Variants in KLHL1 observed in about 807,000 individuals in gnomAD.
KLHL1 encodes the protein kelch-like protein 1.
KLHL1 carries 47 observed loss-of-function variants against 77.7 expected under a neutral mutation model. The ratio of observed to expected loss-of-function variants is 0.60; its 90% CI spans 0.48 to 0.77. KLHL1 has a LOEUF of 0.77. KLHL1 is among the 30% of genes least tolerant of loss of function. The pLI is 0.00. For missense variants in KLHL1, 925 were observed against 910.8 expected (o/e 1.02, Z -0.20); for synonymous variants, 360 against 325.2 (o/e 1.11, Z -1.15).
intron 1 of KLHL1, among the ~76,000 whole-genome samples, chr13:70,055,855 A>T (rs928577982): frequency 1.3e-5 from 2 of 152,070 alleles, no homozygotes; most frequent in African/African-American, 4.8e-5. Flanking sequence ...ATTAAATCAT[A>T]CTACCAGATA....
Position 70,022,273 on chromosome 13 carries a change from G to A in KLHL1, c.498-46471C>T, listed in dbSNP as rs572974380. Among the ~76,000 whole-genome samples the A allele has an allele frequency of 7.3e-4, 39 of 53,494 alleles. 1 individual carries two copies. The highest frequency in any genetic ancestry group is 2.3e-3 in the Admixed American group (15 of 6,574). 35.1% of individuals were successfully genotyped at this position (53,494 alleles called of 152,430 possible). A position where few individuals can be genotyped will look rare whatever the true frequency, so the allele number is the denominator to read the frequency against. On this transcript the variant is annotated intron_variant, in intron 1 of 10. Transcript: ENST00000377844. The stretch of plus-strand genomic sequence containing the variant: ...CTTTTTTCAAAGGTAAGTTGATTAC[G>A]TGTGTGTTTGTGTGTGTGTGTGTGT...
intron 9 of KLHL1, among the ~76,000 whole-genome samples, 160 bp downstream of exon 9, chr13:69,719,209 T>TGA (rs1555300511): frequency 0.037 from 1,350 of 36,888 alleles, 6 homozygotes; most frequent in Middle Eastern, 0.27. Flanking sequence ...TGTGTGTGTG[T>TGA]GAGAGAGAGA....
intron 7 of KLHL1, among the ~76,000 whole-genome samples, chr13:69,772,127 T>G (rs1185943678): frequency 6.6e-6 from 1 of 152,086 alleles, no homozygotes; most frequent in Non-Finnish European, 1.5e-5. Flanking sequence ...AATTTTTGTA[T>G]TTTTAATAGA....
rs71116988 is a variant in KLHL1 at position 70,084,622 on chromosome 13, C to CTTTTTTTTTT, written c.497+22571_497+22580dup. ...TACAGGCACCTGCCACCACGCCAGGCTTTTTTTTTTTTTTTTTTTTTTTTT... is the reference window on the plus strand; with the variant it reads ...TACAGGCACCTGCCACCACGCCAGGCTTTTTTTTTTTTTTTTTTTTTTTTTTTTTTTTTTT... On this transcript the variant is annotated intron_variant, in intron 1 of 10. Coordinates refer to ENST00000377844, the MANE Select transcript of KLHL1 (RefSeq NM_020866.3). Among the ~76,000 whole-genome samples, 55 of 14,946 alleles carry CTTTTTTTTTT rather than the reference C, an allele frequency of 3.7e-3. 11 individuals are homozygous for CTTTTTTTTTT. The highest frequency in any genetic ancestry group is 0.013 in the African/African-American group (38 of 2,898). 9.8% of individuals were successfully genotyped at this position (14,946 alleles called of 152,430 possible).
chr13:69,891,096 T>C (rs551484909), intron 4 of KLHL1, among the ~76,000 whole-genome samples: 22 of 152,198 alleles, frequency 1.4e-4, no homozygotes, highest in South Asian at 1.0e-3. Flanking sequence ...TCCTTAATAA[T>C]GGCAATATGC....
At chr13:69,764,152 G>T (rs1178983290) in intron 7 of KLHL1, among the ~76,000 whole-genome samples, 1 of 152,088 alleles carries the variant, frequency 6.6e-6, no homozygotes. Flanking sequence ...TTTTAAGTTT[G>T]CCCTAAAGAT....
chr13:69,837,421 T>C (rs1210521941), intron 6 of KLHL1, among the ~76,000 whole-genome samples: 1 of 151,356 alleles, frequency 6.6e-6, no homozygotes, highest in East Asian at 1.9e-4. Flanking sequence ...ACACACACAA[T>C]GTAAGTAATG....
At chr13:69,766,033 C>A (rs1875285747) in intron 7 of KLHL1, among the ~76,000 whole-genome samples, 1 of 152,176 alleles carries the variant, frequency 6.6e-6, no homozygotes, top group African/African-American at 2.4e-5. Context: ...ATACCGAAAT[C>A]TTCAGCAATC....
chr13:69,920,074 T>C (rs528331198), intron 4 of KLHL1, among the ~76,000 whole-genome samples: 1 of 151,610 alleles, frequency 6.6e-6, no homozygotes, highest in South Asian at 2.1e-4. Flanking sequence ...AGCTGTTTTT[T>C]CTTTGGAAAA....
chr13:69,957,697 C>A (rs17085798), intron 3 of KLHL1, among the ~76,000 whole-genome samples: 20,979 of 151,580 alleles, frequency 0.14, 2,378 homozygotes, highest in African/African-American at 0.29. Context: ...TAAGTATTTT[C>A]TTTACAACTT....
chr13:69,724,048 G>A (rs1414619917), intron 8 of KLHL1, among the ~76,000 whole-genome samples: 1 of 151,898 alleles, frequency 6.6e-6, no homozygotes, highest in East Asian at 1.9e-4. Context: ...ATATTGGCCA[G>A]GATGGTCCGA....
intron 1 of KLHL1, among the ~76,000 whole-genome samples, chr13:70,078,116 G>A (rs1407032875): frequency 1.3e-5 from 2 of 151,168 alleles, no homozygotes; most frequent in Non-Finnish European, 3.0e-5. Flanking sequence ...GAGAAAGGAA[G>A]GATTTACAGA....
intron 1 of KLHL1, among the ~76,000 whole-genome samples, chr13:69,995,241 A>G (rs1428579819): frequency 6.6e-6 from 1 of 152,052 alleles, no homozygotes; most frequent in Non-Finnish European, 1.5e-5. Flanking sequence ...ACCCAGAAAA[A>G]GTTTGGTGGT....
chr13:70,002,571 A>T (rs1171345352), intron 1 of KLHL1, among the ~76,000 whole-genome samples: 1 of 151,568 alleles, frequency 6.6e-6, no homozygotes, highest in Non-Finnish European at 1.5e-5. Flanking sequence ...AAAGTTCCAA[A>T]ATTTAACTTA....
intron 7 of KLHL1, among the ~76,000 whole-genome samples, chr13:69,791,986 G>A (rs562717522): frequency 1.3e-4 from 20 of 152,246 alleles, no homozygotes; most frequent in Non-Finnish European, 1.9e-4. Flanking sequence ...ATTGCAGAGC[G>A]TCAGGAGAAA....
intron 4 of KLHL1, among the ~76,000 whole-genome samples, chr13:69,908,531 TGAAGA>T (rs1305878351): frequency 1.3e-5 from 2 of 148,692 alleles, no homozygotes; most frequent in African/African-American, 5.0e-5. Flanking sequence ...GCAAAAAATT[TGAAGA>T]GAAAACGTAA....
chr13:69,948,558 C>T (rs1347772846), intron 3 of KLHL1, among the ~76,000 whole-genome samples: 4 of 151,956 alleles, frequency 2.6e-5, no homozygotes, highest in Non-Finnish European at 5.9e-5. Context: ...TCTACAATCA[C>T]ATCTTAAGTA....
chr13:69,712,770 TTTGG>T (rs1431015193), intron 9 of KLHL1, among the ~76,000 whole-genome samples: 2,101 of 136,888 alleles, frequency 0.015, 48 homozygotes, highest in African/African-American at 0.052. Flanking sequence ...GTTTTTTTTT[TTTGG>T]GGGGGGGGTT....
intron 1 of KLHL1, among the ~76,000 whole-genome samples, chr13:70,077,618 C>A (rs1042532833): frequency 6.6e-6 from 1 of 151,854 alleles, no homozygotes; most frequent in Admixed American, 6.6e-5. Flanking sequence ...AATATGGTTT[C>A]ATCAATTGTA....
Sources: allele counts gnomAD v4.1 joint callset (sites outside exome capture counted in the v4.1 genomes callset), GRCh38; gene constraint gnomAD v4.1.1; transcripts MANE v1.5; gene names NCBI Gene and HGNC (gene_info 2026-07-23, HGNC 2026-07-21).